PLA2R1: variants seen among roughly 807,000 people sequenced by gnomAD.
PLA2R1 encodes phospholipase A2 receptor 1.
In PLA2R1, 158 loss-of-function variants were observed where a neutral mutation model predicts 195.9. That is an observed-to-expected ratio of 0.81 (90% CI 0.71 to 0.92). The LOEUF is 0.92. Among genes scored for constraint, PLA2R1 ranks in the 40% least tolerant of loss-of-function variants. The probability of loss-of-function intolerance (pLI) is 0.00; values close to 1 mark genes in which losing one functional copy is unlikely to be tolerated. For missense variants in PLA2R1, 1,626 were observed against 1,764.6 expected, an observed-to-expected ratio of 0.92 and a Z score of 1.41; for synonymous variants, 586 against 598.2, an observed-to-expected ratio of 0.98 and a Z score of 0.30.
At chr2:160,061,391 C>T (rs1451472184) in intron 1 of PLA2R1, among the ~76,000 whole-genome samples, 2 of 152,140 alleles carry the variant, frequency 1.3e-5, no homozygotes, top group East Asian at 1.9e-4. Context: ...CTGAATTGAA[C>T]CCCGTTTTTC....
At chr2:160,012,248 G>C (rs1692412526) in intron 10 of PLA2R1, among the ~76,000 whole-genome samples, 1 of 152,182 alleles carries the variant, frequency 6.6e-6, no homozygotes, top group Admixed American at 6.5e-5. Flanking sequence ...TGCAGGTGTA[G>C]TTTCCTGTGG....
intron 11 of PLA2R1, among the ~76,000 whole-genome samples, chr2:160,000,859 A>AG (rs1691541239): frequency 6.6e-6 from 1 of 152,154 alleles, no homozygotes; most frequent in Non-Finnish European, 1.5e-5. Context: ...TTTAAAATGC[A>AG]TCCTTGAGAG....
chr2:160,016,562 T>C, intron 9 of PLA2R1, 52 bp downstream of exon 9: 2 of 823,346 alleles, frequency 2.4e-6, no homozygotes, highest in Non-Finnish European at 4.2e-6. Flanking sequence ...GTGGAATTGA[T>C]ATTCTAGCTA....
chr2:159,932,193 C>T lies in PLA2R1; in HGVS notation c.*9585G>A, dbSNP rs1686620123. ...ATTTCTACCTTGAGCACCAGTTTCA[C>T]CAAGCTCTCCAGTCCTTGGCTGTGG... On this transcript the variant is annotated 3_prime_UTR_variant, in exon 30 of 30. Transcript: ENST00000283243. The T allele has an allele frequency of 6.6e-6, 1 of 152,242 alleles. No individual in the cohort carries two copies. The highest frequency in any genetic ancestry group is 1.5e-5 in the Non-Finnish European group (1 of 68,060). 9.4% of individuals were successfully genotyped at this position (152,242 alleles called of 1,614,324 possible). A position where few individuals can be genotyped will look rare whatever the true frequency, so the allele number is the denominator to read the frequency against.
In PLA2R1 at chr2:160,020,128, A is replaced by C; in HGVS notation, c.1430T>G (p.Leu477Arg). 1 of 1,613,912 alleles carries C rather than the reference A, an allele frequency of 6.2e-7. No individual in the cohort carries two copies. Among genetic ancestry groups the C allele is most frequent in the Non-Finnish European group, 8.5e-7 (1 of 1,179,864 alleles). ...EPHIFPNRSQ[L>R]CVSAEQSEGH... is the part of the protein sequence containing the mutation. Reference sequence around the variant, plus strand: ...TACAGACTGCTCTGCTGAGACACACAGCTGGCTTCTATTTGGAAAAATGTG... The same window carrying C: ...TACAGACTGCTCTGCTGAGACACACCGCTGGCTTCTATTTGGAAAAATGTG... Residue 477 changes from leucine (L) to arginine (R), a missense_variant, in exon 8 of 30, where the codon CTG becomes CGG. Physicochemically the swap from Leu to Arg is moderately radical, Grantham distance 102 (BLOSUM62 -2). Transcript: ENST00000283243.
chr2:160,041,663 G>A (rs1049014507), intron 3 of PLA2R1, among the ~76,000 whole-genome samples: 5 of 152,228 alleles, frequency 3.3e-5, no homozygotes, highest in African/African-American at 1.2e-4. Context: ...AGAGATAGTG[G>A]ATTGAAAGGC....
At chr2:159,990,779 C>G (rs983013882) in intron 11 of PLA2R1, among the ~76,000 whole-genome samples, 5 of 152,164 alleles carry the variant, frequency 3.3e-5, no homozygotes, top group Admixed American at 2.0e-4. Flanking sequence ...CCTGATTATG[C>G]AGTTGGAAAA....
In PLA2R1 at chr2:160,005,729, G is replaced by A. The variant is rs144134332; in HGVS notation, c.1757C>T (p.Thr586Met). The stretch of plus-strand genomic sequence containing the variant: ...TACTGGCTTCCAAGTGTATTCTCCC[G>A]TATCATTTTGGTCCTGAAGAGCTAT... Reference protein sequence around the residue: ...FWIALQDQNDTGEYTWKPVGQ... With the variant: ...FWIALQDQNDMGEYTWKPVGQ... Residue 586 changes from threonine to methionine, a missense_variant, in exon 11 of 30, where the codon ACG (threonine) becomes ATG (methionine). Physicochemically the swap from Thr to Met is moderately conservative, Grantham distance 81. Coordinates refer to ENST00000283243, the MANE Select transcript of PLA2R1 (RefSeq NM_007366.5). The A allele has an allele frequency of 3.1e-4, 494 of 1,613,090 alleles. No individual in the cohort carries two copies. The East Asian group carries it at 7.1e-3, about 23-fold the overall frequency.
intron 13 of PLA2R1, among the ~76,000 whole-genome samples, chr2:159,981,817 C>T (rs918591536): frequency 1.3e-5 from 2 of 152,152 alleles, no homozygotes; most frequent in South Asian, 4.1e-4. Flanking sequence ...GCTGGGACTA[C>T]AGGTGTGGCC....
chr2:160,016,173 C>A (rs113432835), intron 9 of PLA2R1, among the ~76,000 whole-genome samples: 28 of 148,300 alleles, frequency 1.9e-4, no homozygotes, highest in Non-Finnish European at 2.1e-4. Flanking sequence ...CTGAGGCATG[C>A]GAATTGCTTG....
intron 11 of PLA2R1, among the ~76,000 whole-genome samples, chr2:159,995,388 G>A (rs988650501): frequency 2.0e-5 from 3 of 151,892 alleles, no homozygotes; most frequent in African/African-American, 7.3e-5. Context: ...CCAGATTTTC[G>A]ACATCTAAAT....
At chr2:160,000,244 C>A (rs1691503314) in intron 11 of PLA2R1, among the ~76,000 whole-genome samples, 1 of 152,156 alleles carries the variant, frequency 6.6e-6, no homozygotes, top group South Asian at 2.1e-4. Context: ...AGAATATATT[C>A]ACTCAGCTGT....
downstream of PLA2R1, among the ~76,000 whole-genome samples, chr2:159,928,389 T>C (rs1686529873): frequency 6.6e-6 from 1 of 152,152 alleles, no homozygotes; most frequent in South Asian, 2.1e-4. Context: ...GAGGAGGACA[T>C]CACAATGTCA....
chr2:159,994,352 G>A (rs576344567), intron 11 of PLA2R1, among the ~76,000 whole-genome samples: 12 of 152,126 alleles, frequency 7.9e-5, no homozygotes, highest in Non-Finnish European at 1.3e-4. Context: ...GGAGGGGCAG[G>A]AAACACAGAG....
rs572990610 is a variant in PLA2R1 at position 159,978,701 on chromosome 2, C to G, written c.2268+1129G>C. Among the ~76,000 whole-genome samples the G allele has an allele frequency of 1.8e-4, 27 of 152,234 alleles. No individual in the cohort carries two copies. In the East Asian group the frequency reaches 5.0e-3, roughly 28 times the overall value. On this transcript the variant is annotated intron_variant, in intron 14 of 29. Transcript: ENST00000283243. The stretch of plus-strand genomic sequence containing the variant: ...TATGGAGTAAGTTGACCCTGCTATG[C>G]CTTTTCTGTTTTCTGAGCCTTGGTT...
chr2:159,975,973 C>A, intron 17 of PLA2R1, 95 bp downstream of exon 17: 2 of 889,122 alleles, frequency 2.2e-6, no homozygotes, highest in South Asian at 2.9e-5. Context: ...AATAAATATC[C>A]GAAGTCAAAT....
intron 11 of PLA2R1, among the ~76,000 whole-genome samples, chr2:160,004,177 G>C (rs1392015481): frequency 6.6e-6 from 1 of 152,132 alleles, no homozygotes; most frequent in Non-Finnish European, 1.5e-5. Flanking sequence ...TCTATAATTA[G>C]AGCATCTACA....
intron 11 of PLA2R1, among the ~76,000 whole-genome samples, chr2:160,004,800 G>C (rs1007669867): frequency 6.6e-6 from 1 of 152,156 alleles, no homozygotes; most frequent in African/African-American, 2.4e-5. Flanking sequence ...TGTGGCGGAA[G>C]ACATCAGCTT....
chr2:159,985,991 G>A lies in PLA2R1; in HGVS notation c.2037+1165C>T, dbSNP rs188287131. ...GGTGGCACCTGGGATATAAAACCCC[G>A]AGAGAAGCGCTTTGGGGAGCCCTCA... On this transcript the variant is annotated intron_variant, in intron 12 of 29. Coordinates refer to ENST00000283243, the MANE Select transcript of PLA2R1 (RefSeq NM_007366.5). Among the ~76,000 whole-genome samples, 4 of 152,162 alleles carry A rather than the reference G, an allele frequency of 2.6e-5. No individual in the cohort carries two copies. The East Asian group carries it at 5.8e-4, about 22-fold the overall frequency.
Sources: allele counts gnomAD v4.1 joint callset (sites outside exome capture counted in the v4.1 genomes callset), GRCh38; gene constraint gnomAD v4.1.1; transcripts MANE v1.5; gene names NCBI Gene and HGNC (gene_info 2026-07-23, HGNC 2026-07-21).